The following NIBAN2 variants were observed in gnomAD, a reference collection of about 807,000 sequenced individuals.
NIBAN2 encodes protein Niban 2.
NIBAN2 carries 36 observed loss-of-function variants against 81.8 expected under a neutral mutation model. The observed-to-expected ratio is 0.44, with a 90% CI of 0.34 to 0.58. The LOEUF is 0.58. Ranked by LOEUF, NIBAN2 falls within the 20% of genes least tolerant of loss-of-function variation. NIBAN2 has a pLI of 0.02. For synonymous variants in NIBAN2, 445 were observed against 441.6 expected (o/e 1.01, Z -0.10); for missense variants, 897 against 1,014.1 (o/e 0.88, Z 1.57).
chr9:127,565,621 C>T (rs1440585075), intron 1 of NIBAN2, among the ~76,000 whole-genome samples: 1 of 151,174 alleles, frequency 6.6e-6, no homozygotes, highest in African/African-American at 2.4e-5. Context: ...GGTGAAACCC[C>T]CGTCTCTACT....
chr9:127,513,637 C>T (rs1239351198), intron 8 of NIBAN2, among the ~76,000 whole-genome samples: 1 of 152,190 alleles, frequency 6.6e-6, no homozygotes, highest in Non-Finnish European at 1.5e-5. Flanking sequence ...GCCATGGCAA[C>T]GTCAGGAAGT....
At chr9:127,514,543 G>A (rs777465757) in intron 8 of NIBAN2, among the ~76,000 whole-genome samples, 1 of 152,198 alleles carries the variant, frequency 6.6e-6, no homozygotes, top group Admixed American at 6.5e-5. Context: ...AACTCCTTTA[G>A]GATGGGTCTT....
At position 127,523,611 on chromosome 9, in the gene NIBAN2, TC is replaced by T. The variant is rs1289889301; in HGVS notation, c.589+67del. On this transcript the variant is annotated intron_variant, in intron 5 of 13. Transcript: ENST00000373312. ...CCACACCATAGTCAGCCACTAGGTG[TC>T]ACCATTCAGCAATAACCCAGGTCCT... 4.6e-6 allele frequency: 7 copies of T among 1,520,936 alleles called. No individual in the cohort carries two copies. In the East Asian group the frequency reaches 9.2e-5, roughly 20 times the overall value. 94.2% of individuals were successfully genotyped at this position (1,520,936 alleles called of 1,614,324 possible).
rs10987682 is a variant in NIBAN2, at chr9:127,551,762, G to A, written c.55+17058C>T. On this transcript the variant is annotated intron_variant, in intron 1 of 13. Coordinates refer to ENST00000373312, the MANE Select transcript of NIBAN2 (RefSeq NM_022833.4). ...AGAAAAAGAAAAGAACTACCACAGT[G>A]TCATGCACATGGGAGCTGCTGCCAG... 7.2e-5 allele frequency among the ~76,000 whole-genome samples: 11 copies of A among 152,218 alleles called. No individual in the cohort carries two copies. In the East Asian group the frequency reaches 1.9e-3, roughly 27 times the overall value.
chr9:127,547,984 G>C (rs371155339), intron 1 of NIBAN2, among the ~76,000 whole-genome samples: 17 of 152,306 alleles, frequency 1.1e-4, no homozygotes, highest in African/African-American at 3.8e-4. Context: ...GGAACCTCTC[G>C]AAGGAGCTCC....
upstream of NIBAN2, among the ~76,000 whole-genome samples, chr9:127,572,854 G>A (rs1837964048): frequency 6.6e-6 from 1 of 152,048 alleles, no homozygotes; most frequent in Non-Finnish European, 1.5e-5. Flanking sequence ...AGACGAGCAT[G>A]GGCAACAGAA....
At chr9:127,574,457 G>A (rs1364334138) in intron 1 of NIBAN2, among the ~76,000 whole-genome samples, 5 of 152,110 alleles carry the variant, frequency 3.3e-5, no homozygotes, top group East Asian at 3.9e-4. Flanking sequence ...GGGTTCAGAC[G>A]GTCAGAGCCA....
At chr9:127,576,971 G>A (rs1015025022) in intron 1 of NIBAN2, among the ~76,000 whole-genome samples, 1 of 151,714 alleles carries the variant, frequency 6.6e-6, no homozygotes, top group Non-Finnish European at 1.5e-5. Context: ...GATTACAGGT[G>A]TAAGGCACCA....
At chr9:127,551,672 G>A (rs542110262) in intron 1 of NIBAN2, among the ~76,000 whole-genome samples, 172 of 151,934 alleles carry the variant, frequency 1.1e-3, no homozygotes, top group Non-Finnish European at 2.1e-3. Context: ...CTGAGATCAC[G>A]TCACTGCACT....
At chr9:127,578,882 C>T (rs778278865) in intron 1 of NIBAN2, 30 of 1,598,920 alleles carry the variant, frequency 1.9e-5, no homozygotes, top group East Asian at 2.3e-5. Flanking sequence ...AAAAGAACCC[C>T]GTGTGCCTTG....
Position 127,550,033 on chromosome 9 carries a change from C to T in NIBAN2, c.56-18255G>A, listed in dbSNP as rs112744523. Among the ~76,000 whole-genome samples, 95 of 152,330 alleles carry T rather than the reference C, an allele frequency of 6.2e-4. 1 individual carries two copies. The highest frequency in any genetic ancestry group is 2.3e-3 in the African/African-American group (94 of 41,588). ...TCTTGGTCTGCTTCCCCGGGGGAGT[C>T]CCTTGAGGGTGAGTGGGGACCGCCT... is the stretch of plus-strand genomic sequence containing the variant. On this transcript the variant is annotated intron_variant, in intron 1 of 13. Coordinates refer to ENST00000373312, the MANE Select transcript of NIBAN2 (RefSeq NM_022833.4).
intron 2 of NIBAN2, among the ~76,000 whole-genome samples, chr9:127,528,572 C>T (rs1470929363): frequency 2.0e-5 from 3 of 152,152 alleles, no homozygotes; most frequent in Non-Finnish European, 2.9e-5. Flanking sequence ...CCCTGCTGCT[C>T]TTCAAGGGGA....
intron 2 of NIBAN2, among the ~76,000 whole-genome samples, 173 bp downstream of exon 2, chr9:127,531,475 C>T (rs1318476749): frequency 7.0e-6 from 1 of 143,306 alleles, no homozygotes; most frequent in African/African-American, 2.6e-5. Context: ...CAGAGCGAGA[C>T]TCTGTCTCAA....
At chr9:127,511,018 T>C (rs998550545) in intron 8 of NIBAN2, among the ~76,000 whole-genome samples, 2 of 152,056 alleles carry the variant, frequency 1.3e-5, no homozygotes, top group South Asian at 4.2e-4. Context: ...TTCAGCCCTC[T>C]CCCAACTCTC....
At chr9:127,530,317 C>T (rs1362806729) in intron 2 of NIBAN2, among the ~76,000 whole-genome samples, 3 of 152,232 alleles carry the variant, frequency 2.0e-5, no homozygotes, top group African/African-American at 4.8e-5. Flanking sequence ...CTCCCTCCAC[C>T]GGGCGGGTTG....
chr9:127,519,399 C>T (rs1009839224), intron 5 of NIBAN2, among the ~76,000 whole-genome samples: 1 of 152,136 alleles, frequency 6.6e-6, no homozygotes, highest in Non-Finnish European at 1.5e-5. Context: ...CAAACGCCAC[C>T]GAGCCAGGCA....
At chr9:127,524,454 C>G (rs1044918178) in intron 4 of NIBAN2, among the ~76,000 whole-genome samples, 3 of 152,224 alleles carry the variant, frequency 2.0e-5, no homozygotes. Context: ...CACAACACCC[C>G]GAGGGCAGTC....
In NIBAN2 at chr9:127,525,138, C is replaced by T. The variant is rs750582287; in HGVS notation, c.341G>A (p.Arg114Gln). 49 of 1,613,874 alleles carry T rather than the reference C, an allele frequency of 3.0e-5. No individual in the cohort carries two copies. The highest frequency in any genetic ancestry group is 5.3e-5 in the African/African-American group (4 of 74,918). Residue 114 changes from arginine to glutamine, a missense_variant, in exon 4 of 14, where the codon CGA (arginine) becomes CAA (glutamine). Coordinates refer to ENST00000373312, the MANE Select transcript of NIBAN2 (RefSeq NM_022833.4). The part of the protein sequence containing the change: ...KAAYERQVPP[R>Q]AVINSAGYKI... The stretch of plus-strand genomic sequence containing the variant: ...GTAGCCTGCACTGTTGATGACGGCT[C>T]GTGGTGGGACCTGCCGCTCATAGGC...
intron 1 of NIBAN2, among the ~76,000 whole-genome samples, chr9:127,566,051 G>C (rs1284194088): frequency 2.0e-5 from 3 of 151,716 alleles, no homozygotes; most frequent in Non-Finnish European, 4.4e-5. Flanking sequence ...AGGATCACTT[G>C]AGCCCAGGAG....
Sources: allele counts gnomAD v4.1 joint callset (sites outside exome capture counted in the v4.1 genomes callset), GRCh38; gene constraint gnomAD v4.1.1; transcripts MANE v1.5; gene names NCBI Gene and HGNC (gene_info 2026-07-23, HGNC 2026-07-21).